The following RICTOR variants were observed in gnomAD, a reference collection of about 807,000 sequenced individuals.
The protein encoded by RICTOR is RPTOR independent companion of MTOR complex 2.
A neutral mutation model predicts 214.9 loss-of-function variants in RICTOR; 49 were observed. The ratio of observed to expected loss-of-function variants is 0.23; its 90% CI spans 0.18 to 0.29. The LOEUF is 0.29. Among genes scored for constraint, RICTOR ranks in the 10% least tolerant of loss-of-function variants. The pLI, the probability that RICTOR is intolerant of heterozygous loss-of-function variation, is 1.00. For missense variants in RICTOR, 1,625 were observed against 2,047.0 expected (o/e 0.79, Z 3.98); for synonymous variants, 717 against 711.3 (o/e 1.01, Z -0.13).
rs545851912 is a variant in RICTOR at position 39,046,295 on chromosome 5, T to C, written c.98-25159A>G. Among the ~76,000 whole-genome samples the C allele has an allele frequency of 7.9e-5, 12 of 151,334 alleles. No individual in the cohort carries two copies. In the South Asian group the frequency reaches 1.2e-3, roughly 16 times the overall value. Reference sequence around the variant, plus strand: ...GGGAAGATCACTTGAGCCCAGGTGATTGAAGCTACAGTGAACTATGATGGT... The same window carrying C: ...GGGAAGATCACTTGAGCCCAGGTGACTGAAGCTACAGTGAACTATGATGGT... On this transcript the variant is annotated intron_variant, in intron 2 of 37. Coordinates refer to ENST00000357387, the MANE Select transcript of RICTOR (RefSeq NM_152756.5).
rs1028116717 is a variant in RICTOR, at chr5:39,040,143, A to G, written c.98-19007T>C. 1.9e-4 allele frequency among the ~76,000 whole-genome samples: 29 copies of G among 152,140 alleles called. 1 individual carries two copies. The highest frequency in any genetic ancestry group is 4.0e-4 in the Non-Finnish European group (27 of 68,032). On this transcript the variant is annotated intron_variant, in intron 2 of 37. Transcript: ENST00000357387. ...CATGGAATACTATGCAGCCATAAAAAATGATGAGTTCATGTCCTTTGTGGG... is the reference window on the plus strand; with the variant it reads ...CATGGAATACTATGCAGCCATAAAAGATGATGAGTTCATGTCCTTTGTGGG...
At chr5:38,976,080 T>C (rs915732594) in intron 9 of RICTOR, among the ~76,000 whole-genome samples, 1 of 152,220 alleles carries the variant, frequency 6.6e-6, no homozygotes, top group Admixed American at 6.5e-5. Context: ...AACTACATAT[T>C]AACATCACCA....
rs1352387287 is a variant in RICTOR, at chr5:38,966,794, T to C, written c.1219-73A>G. 1.3e-5 allele frequency: 11 copies of C among 833,874 alleles called. No homozygotes were observed. In the East Asian group the frequency reaches 2.8e-4, roughly 21 times the overall value. 51.7% of individuals were successfully genotyped at this position (833,874 alleles called of 1,614,324 possible). On this transcript the variant is annotated intron_variant, in intron 14 of 37. Transcript: ENST00000357387. The stretch of plus-strand genomic sequence containing the variant: ...AAAACATTTATGCATCAGATTTATT[T>C]TTCAAAATTTTTTTTTTTTTTTTAA...
chr5:39,059,095 C>T (rs1391694646), intron 2 of RICTOR, among the ~76,000 whole-genome samples: 4 of 152,088 alleles, frequency 2.6e-5, no homozygotes, highest in Non-Finnish European at 5.9e-5. Context: ...AAGAATCCAT[C>T]CACATCATAA....
intron 2 of RICTOR, among the ~76,000 whole-genome samples, chr5:39,032,817 G>T (rs1173514729): frequency 6.6e-6 from 1 of 152,206 alleles, no homozygotes; most frequent in Non-Finnish European, 1.5e-5. Flanking sequence ...CAGAGACAGA[G>T]CAACATGGAC....
intron 2 of RICTOR, among the ~76,000 whole-genome samples, chr5:39,036,952 C>G (rs1756757439): frequency 6.6e-6 from 1 of 152,150 alleles, no homozygotes; most frequent in Non-Finnish European, 1.5e-5. Context: ...GAACTCAGCT[C>G]TGCACCAAGC....
At chr5:38,956,677 T>C (rs1038188375) in intron 25 of RICTOR, among the ~76,000 whole-genome samples, 1 of 152,140 alleles carries the variant, frequency 6.6e-6, no homozygotes, top group Admixed American at 6.6e-5. Context: ...ACCTTGCATG[T>C]AACTTTGTTA....
At chr5:39,069,202 A>T (rs186181114) in intron 2 of RICTOR, among the ~76,000 whole-genome samples, 2 of 152,358 alleles carry the variant, frequency 1.3e-5, no homozygotes, top group African/African-American at 2.4e-5. Flanking sequence ...TTTTGCTTAC[A>T]AGACTTTGTT....
intron 3 of RICTOR, among the ~76,000 whole-genome samples, chr5:39,013,180 A>G (rs149620400): frequency 9.2e-5 from 14 of 152,358 alleles, no homozygotes; most frequent in African/African-American, 3.4e-4. Flanking sequence ...TGAATTTATT[A>G]CTTATAAACA....
chr5:38,948,335 C>A (rs905299128), intron 31 of RICTOR, among the ~76,000 whole-genome samples: 1 of 151,996 alleles, frequency 6.6e-6, no homozygotes, highest in Non-Finnish European at 1.5e-5. Flanking sequence ...ATTAACATAG[C>A]AAAAACCATG....
chr5:39,060,909 C>G (rs1463081735), intron 2 of RICTOR, among the ~76,000 whole-genome samples: 1 of 151,916 alleles, frequency 6.6e-6, no homozygotes, highest in African/African-American at 2.4e-5. Flanking sequence ...CTCATAATAC[C>G]TATATGATCT....
intron 19 of RICTOR, among the ~76,000 whole-genome samples, chr5:38,960,915 A>T (rs767014785): frequency 2.0e-5 from 3 of 152,036 alleles, no homozygotes; most frequent in Non-Finnish European, 4.4e-5. Flanking sequence ...GAAGAAGGAT[A>T]TGTTTGCTTC....
At chr5:39,037,379 T>C (rs1756800495) in intron 2 of RICTOR, among the ~76,000 whole-genome samples, 3 of 151,614 alleles carry the variant, frequency 2.0e-5, no homozygotes, top group Admixed American at 6.6e-5. Flanking sequence ...AGATCCAAAA[T>C]TGACACCCTA....
rs2112857263 is a variant in RICTOR, at chr5:38,950,513, C to T, written c.3335G>A (p.Ser1112Asn). The change falls in exon 31 of 38, where the codon AGC (serine) becomes AAC (asparagine). Residue 1112 changes from serine (S) to asparagine (N), a missense_variant. By Grantham distance (46) the Ser-to-Asn change is conservative. This residue lies in a region of RICTOR where 1,214 missense variants were observed against 1,470.5 expected (regional missense o/e 0.83). Transcript: ENST00000357387. The part of the protein sequence containing the change: ...LTLPNKKHRS[S>N]SDPKGGKLSS... ...TAATTTCCCTCCTTTTGGATCACTGCTACTACGATGTTTTTTGTTAGGCAA... is the reference window on the plus strand; with the variant it reads ...TAATTTCCCTCCTTTTGGATCACTGTTACTACGATGTTTTTTGTTAGGCAA... 1 of 1,613,304 alleles carries T rather than the reference C, an allele frequency of 6.2e-7. No homozygotes were observed. The highest frequency in any genetic ancestry group is 8.5e-7 in the Non-Finnish European group (1 of 1,179,568).
intron 2 of RICTOR, among the ~76,000 whole-genome samples, chr5:39,055,970 C>T (rs1400210689): frequency 1.3e-5 from 2 of 152,152 alleles, no homozygotes; most frequent in East Asian, 1.9e-4. Context: ...GGACAAGGAA[C>T]GAGGTTAAGA....
In RICTOR at chr5:38,946,554, T is replaced by TA. The variant is rs1458580558; in HGVS notation, c.4315-3dup. 6.4e-7 allele frequency: 1 copy of TA among 1,561,674 alleles called. No homozygotes were observed. Among genetic ancestry groups the TA allele is most frequent in the Non-Finnish European group, 8.8e-7 (1 of 1,132,688 alleles). On this transcript the variant is annotated splice_region_variant and splice_polypyrimidine_tract_variant and intron_variant, in intron 32 of 37. Coordinates refer to ENST00000357387, the MANE Select transcript of RICTOR (RefSeq NM_152756.5). Reference sequence around the variant, plus strand: ...CTGAAAATAGGGAATATCCTTTACCTAAAAAAAGATATAAACCATGGTAAG... The same window carrying TA: ...CTGAAAATAGGGAATATCCTTTACCTAAAAAAAAGATATAAACCATGGTAAG...
intron 2 of RICTOR, among the ~76,000 whole-genome samples, chr5:39,043,583 A>G (rs1757306655): frequency 2.0e-5 from 3 of 152,202 alleles, no homozygotes; most frequent in Admixed American, 1.3e-4. Flanking sequence ...TGTATTGTAT[A>G]TTTCAAAATA....
intron 2 of RICTOR, among the ~76,000 whole-genome samples, chr5:39,064,185 T>G (rs1758745274): frequency 6.6e-6 from 1 of 152,212 alleles, no homozygotes; most frequent in African/African-American, 2.4e-5. Context: ...CTACATTTGT[T>G]GTATGGATAT....
At chr5:39,014,460 T>C (rs1415125557) in intron 3 of RICTOR, among the ~76,000 whole-genome samples, 5 of 152,136 alleles carry the variant, frequency 3.3e-5, no homozygotes, top group Non-Finnish European at 5.9e-5. Context: ...TTTTATCATA[T>C]ATTCTTCTGT....
Sources: allele counts gnomAD v4.1 joint callset (sites outside exome capture counted in the v4.1 genomes callset), GRCh38; gene constraint gnomAD v4.1.1; regional missense constraint gnomAD v4.1.1; transcripts MANE v1.5; gene names NCBI Gene and HGNC (gene_info 2026-07-23, HGNC 2026-07-21).